Variants in PDHX observed in about 807,000 individuals in gnomAD.
PDHX encodes pyruvate dehydrogenase protein X component, mitochondrial.
Under a neutral mutation model 55.3 loss-of-function variants are expected in PDHX, and 33 were observed. The ratio of observed to expected loss-of-function variants is 0.60; its 90% CI spans 0.45 to 0.80. The LOEUF (loss-of-function observed/expected upper bound fraction) is 0.80, where lower values mean the gene tolerates loss of function less well. Ranked by LOEUF, PDHX falls within the 30% of genes least tolerant of loss-of-function variation. The pLI is 0.00. For missense variants in PDHX, 622 were observed against 619.9 expected, an observed-to-expected ratio of 1.00 and a Z score of -0.04; for synonymous variants, 226 against 219.4, an observed-to-expected ratio of 1.03 and a Z score of -0.27.
chr11:34,953,353 T>C (rs1030615655), intron 3 of PDHX, among the ~76,000 whole-genome samples: 1 of 152,146 alleles, frequency 6.6e-6, no homozygotes, highest in African/African-American at 2.4e-5. Context: ...TTAAAGTTCA[T>C]ATGGAACCAA....
intron 8 of PDHX, among the ~76,000 whole-genome samples, chr11:34,980,920 G>A (rs1855495658): frequency 6.6e-6 from 1 of 152,114 alleles, no homozygotes; most frequent in Non-Finnish European, 1.5e-5. Flanking sequence ...CTGTTTTTCA[G>A]CATCATTTTC....
At chr11:34,973,240 C>T (rs1426625549) in intron 7 of PDHX, among the ~76,000 whole-genome samples, 1 of 152,132 alleles carries the variant, frequency 6.6e-6, no homozygotes, top group African/African-American at 2.4e-5. Flanking sequence ...CATCTGTAGC[C>T]ACTGCAGATT....
chr11:34,980,323 AT>A (rs1169875489), intron 8 of PDHX, among the ~76,000 whole-genome samples: 1 of 108,538 alleles, frequency 9.2e-6, no homozygotes, highest in Non-Finnish European at 2.0e-5. Context: ...ATTCATTTTA[AT>A]TTTTTTTAAT....
At chr11:34,916,092 G>T (rs1448932009), upstream of PDHX, 18 of 1,163,104 alleles carry the variant, frequency 1.5e-5, no homozygotes, top group Non-Finnish European at 2.1e-5. Context: ...GTGCGCCGGG[G>T]TAGCGAACGG....
Position 34,984,590 on chromosome 11 carries a change from A to G in PDHX, c.1044A>G (p.Val348=). 1 of 1,614,024 alleles carries G rather than the reference A, an allele frequency of 6.2e-7. No homozygotes were observed. The change falls in exon 9 of 11, where the codon GTA becomes GTG. Residue 348 remains valine, a synonymous_variant. Coordinates refer to ENST00000227868, the MANE Select transcript of PDHX (RefSeq NM_003477.3). ...VTLKQMPDVN[V]SWDGEGPKQL... is the part of the protein sequence containing the mutation. ...TCTAGCAAATGCCAGATGTTAATGT[A>G]AGCTGGGATGGAGAGGGCCCAAAGC...
intron 2 of PDHX, among the ~76,000 whole-genome samples, chr11:34,939,280 C>CTT (rs1308605564): frequency 6.6e-6 from 1 of 151,920 alleles, no homozygotes; most frequent in Non-Finnish European, 1.5e-5. Flanking sequence ...GAGTTTAAAC[C>CTT]TTTATGCATT....
At chr11:34,955,844 T>G (rs1171218921) in intron 3 of PDHX, among the ~76,000 whole-genome samples, 1 of 152,134 alleles carries the variant, frequency 6.6e-6, no homozygotes, top group Non-Finnish European at 1.5e-5. Flanking sequence ...ATGATGTTCT[T>G]TGTACTTGGA....
chr11:34,934,570 G>GATT (rs1854259943), intron 2 of PDHX, among the ~76,000 whole-genome samples: 1 of 116,056 alleles, frequency 8.6e-6, no homozygotes, highest in Non-Finnish European at 1.8e-5. Context: ...TGATATTATG[G>GATT]ATTTTTTTTT....
intron 8 of PDHX, among the ~76,000 whole-genome samples, chr11:34,982,315 T>C (rs1855534103): frequency 6.6e-6 from 1 of 152,068 alleles, no homozygotes; most frequent in Non-Finnish European, 1.5e-5. Context: ...TGGTTGTAGA[T>C]ATGCCGCATT....
intron 1 of PDHX, among the ~76,000 whole-genome samples, chr11:34,918,896 T>C (rs553279455): frequency 6.6e-6 from 1 of 152,320 alleles, no homozygotes; most frequent in East Asian, 1.9e-4. Context: ...TTTATCACAT[T>C]ACGTCACTCT....
Position 34,992,335 on chromosome 11 carries a change from A to G in PDHX, c.1203A>G (p.Arg401=). ...CTCAGGCTCTATCAAAGAAAGCAAGAGATGGAAAATTGTTGCCTGAAGAAT... is the reference window on the plus strand; with the variant it reads ...CTCAGGCTCTATCAAAGAAAGCAAGGGATGGAAAATTGTTGCCTGAAGAAT... ...DSVKALSKKA[R]DGKLLPEEYQ... The change falls in exon 10 of 11, where the codon AGA becomes AGG. Residue 401 remains arginine, a synonymous_variant. Coordinates refer to ENST00000227868, the MANE Select transcript of PDHX (RefSeq NM_003477.3). The G allele has an allele frequency of 6.2e-7, 1 of 1,603,624 alleles. No individual in the cohort carries two copies.
Position 34,957,371 on chromosome 11 carries a change from T to C in PDHX, c.343-13T>C. The C allele has an allele frequency of 6.4e-7, 1 of 1,555,346 alleles. No individual in the cohort carries two copies. The highest frequency in any genetic ancestry group is 8.9e-7 in the Non-Finnish European group (1 of 1,126,526). On this transcript the variant is annotated splice_polypyrimidine_tract_variant and intron_variant, in intron 3 of 10. Coordinates refer to ENST00000227868, the MANE Select transcript of PDHX (RefSeq NM_003477.3). ...GTTTTACTTCTCTACAGTTACTTCTTTTTTAAATATAGGTTGAAGAAGGAA... is the reference window on the plus strand; with the variant it reads ...GTTTTACTTCTCTACAGTTACTTCTCTTTTAAATATAGGTTGAAGAAGGAA...
intron 1 of PDHX, 84 bp from the exon 2 acceptor site, chr11:34,931,320 G>T: frequency 1.3e-6 from 1 of 768,052 alleles, no homozygotes; most frequent in Non-Finnish European, 2.3e-6. Flanking sequence ...AATTGAATTT[G>T]ACGTTAATTT....
intron 1 of PDHX, among the ~76,000 whole-genome samples, chr11:34,917,348 T>TC (rs1211284229): frequency 6.6e-6 from 1 of 152,140 alleles, no homozygotes; most frequent in Non-Finnish European, 1.5e-5. Context: ...TAGACAAAGG[T>TC]CCAGGAGAAT....
At chr11:34,942,303 G>GTAT (rs1199708960) in intron 2 of PDHX, among the ~76,000 whole-genome samples, 1 of 152,190 alleles carries the variant, frequency 6.6e-6, no homozygotes, top group African/African-American at 2.4e-5. Flanking sequence ...GAATAAATGT[G>GTAT]TCTTGATTCA....
intron 2 of PDHX, among the ~76,000 whole-genome samples, chr11:34,945,062 T>C (rs1451422096): frequency 1.3e-5 from 2 of 152,188 alleles, no homozygotes; most frequent in Non-Finnish European, 2.9e-5. Flanking sequence ...AAATTTTAAA[T>C]TAAATTTTGC....
intron 1 of PDHX, among the ~76,000 whole-genome samples, chr11:34,920,012 G>T (rs1039295969): frequency 6.6e-6 from 1 of 152,176 alleles, no homozygotes; most frequent in African/African-American, 2.4e-5. Flanking sequence ...AAGCTCAGAG[G>T]GGGTAAGTTT....
chr11:34,923,454 A>G (rs1261301529), intron 1 of PDHX, among the ~76,000 whole-genome samples: 6 of 152,148 alleles, frequency 3.9e-5, no homozygotes, highest in African/African-American at 7.2e-5. Flanking sequence ...ACACAATTTT[A>G]TATATAATTC....
At chr11:34,928,784 A>G (rs1334085367) in intron 1 of PDHX, among the ~76,000 whole-genome samples, 1 of 152,166 alleles carries the variant, frequency 6.6e-6, no homozygotes, top group Non-Finnish European at 1.5e-5. Flanking sequence ...GTAAGAGAGT[A>G]TGTGTGTATG....
Sources: allele counts gnomAD v4.1 joint callset (sites outside exome capture counted in the v4.1 genomes callset), GRCh38; gene constraint gnomAD v4.1.1; transcripts MANE v1.5; gene names NCBI Gene and HGNC (gene_info 2026-07-23, HGNC 2026-07-21).